Variants in HIPK2 observed in about 807,000 individuals in gnomAD.
The protein encoded by HIPK2 is homeodomain interacting protein kinase 2.
HIPK2 carries 27 observed loss-of-function variants against 113.7 expected under a neutral mutation model. The observed-to-expected ratio is 0.24, with a 90% CI of 0.17 to 0.33. HIPK2 has a LOEUF of 0.33. HIPK2 is among the 10% of genes least tolerant of loss of function. The pLI, the probability that HIPK2 is intolerant of heterozygous loss-of-function variation, is 1.00. For missense variants in HIPK2, 1,257 were observed against 1,588.0 expected, an observed-to-expected ratio of 0.79 and a Z score of 3.54; for synonymous variants, 631 against 642.2, an observed-to-expected ratio of 0.98 and a Z score of 0.26.
At chr7:139,687,187 T>C (rs1204769473) in intron 2 of HIPK2, among the ~76,000 whole-genome samples, 1 of 152,282 alleles carries the variant, frequency 6.6e-6, no homozygotes, top group East Asian at 1.9e-4. Context: ...GCAATTCTTC[T>C]GCTTCAGCCT....
At position 139,597,017 on chromosome 7, in the gene HIPK2, A is replaced by T; in HGVS notation, c.2436-19T>A. 1 of 1,575,610 alleles carries T rather than the reference A, an allele frequency of 6.3e-7. No individual in the cohort carries two copies. The highest frequency in any genetic ancestry group is 8.7e-7 in the Non-Finnish European group (1 of 1,153,880). On this transcript the variant is annotated intron_variant, in intron 11 of 14. Coordinates refer to ENST00000406875, the MANE Select transcript of HIPK2 (RefSeq NM_022740.5). The stretch of plus-strand genomic sequence containing the variant: ...GACATTTCTGTAATGAGAAAACCAC[A>T]CTCTCACACAGAGGAAGGTCAGGCC...
chr7:139,750,171 G>A (rs1047313921), intron 1 of HIPK2, among the ~76,000 whole-genome samples: 2 of 152,198 alleles, frequency 1.3e-5, no homozygotes, highest in African/African-American at 2.4e-5. Flanking sequence ...GTGGTGTCTT[G>A]GTTATGGCCT....
In HIPK2 at chr7:139,604,176, C is replaced by G; in HGVS notation, c.2160G>C (p.Trp720Cys). Reference protein sequence around the residue: ...GTQQILLPPAWQQLTGVATHT... With the variant: ...GTQQILLPPACQQLTGVATHT... ...GGGTGGCCACTCCAGTCAGTTGCTGCCATGCTGGGGGAAGCAGGATCTGCT... is the reference window on the plus strand; with the variant it reads ...GGGTGGCCACTCCAGTCAGTTGCTGGCATGCTGGGGGAAGCAGGATCTGCT... Residue 720 changes from tryptophan (W) to cysteine (C), a missense_variant, in exon 10 of 15, where the codon TGG becomes TGC. By Grantham distance (215) the Trp-to-Cys change is radical. Coordinates refer to ENST00000406875, the MANE Select transcript of HIPK2 (RefSeq NM_022740.5). The G allele has an allele frequency of 6.2e-7, 1 of 1,613,888 alleles. No homozygotes were observed. The highest frequency in any genetic ancestry group is 8.5e-7 in the Non-Finnish European group (1 of 1,179,818).
chr7:139,578,547 G>A (rs1034007000), intron 13 of HIPK2, among the ~76,000 whole-genome samples: 3 of 152,214 alleles, frequency 2.0e-5, no homozygotes, highest in African/African-American at 4.8e-5. Context: ...CCTCCTTTCC[G>A]CCATCCTTTG....
chr7:139,760,648 A>G (rs1459886512), intron 1 of HIPK2, among the ~76,000 whole-genome samples: 1 of 152,204 alleles, frequency 6.6e-6, no homozygotes, highest in Non-Finnish European at 1.5e-5. Flanking sequence ...ATTTTTCCAT[A>G]CCAGAAAAAG....
rs768453110 is a variant in HIPK2, at chr7:139,631,627, T to C, written c.1202A>G (p.Tyr401Cys). Residue 401 changes from tyrosine to cysteine, a missense_variant, in exon 3 of 15, where the codon TAT (tyrosine) becomes TGT (cysteine). Physicochemically the swap from Tyr to Cys is radical, Grantham distance 194. This residue lies in a region of HIPK2 where 84 missense variants were observed against 182.2 expected (regional missense o/e 0.46). Transcript: ENST00000406875. This position sits in a 1 kb window ranked among gnomAD's most constrained non-coding sequence, Gnocchi z 4.9. ...IAELFLGWPL[Y>C]PGASEYDQIR... ...CTGATCATACTCCGAAGCTCCTGGA[T>C]ATAACGGCCAACCCAGGAACAATTC... 6.2e-7 allele frequency: 1 copy of C among 1,613,964 alleles called. No homozygotes were observed. Among genetic ancestry groups the C allele is most frequent in the Non-Finnish European group, 8.5e-7 (1 of 1,179,880 alleles).
chr7:139,773,450 C>A (rs1796687265), intron 1 of HIPK2, among the ~76,000 whole-genome samples: 1 of 152,164 alleles, frequency 6.6e-6, no homozygotes, highest in Non-Finnish European at 1.5e-5. Context: ...TTGACACCAA[C>A]CCAAAGTCCT....
intron 11 of HIPK2, among the ~76,000 whole-genome samples, chr7:139,599,198 G>C (rs1480389990): frequency 6.6e-6 from 1 of 152,198 alleles, no homozygotes; most frequent in East Asian, 1.9e-4. Flanking sequence ...CAATCCTGTA[G>C]TCACACGATC....
At chr7:139,768,765 T>G (rs563585165) in intron 1 of HIPK2, among the ~76,000 whole-genome samples, 14 of 152,216 alleles carry the variant, frequency 9.2e-5, no homozygotes, top group Admixed American at 8.5e-4. Context: ...GACAGCCTGG[T>G]AGGAACCACT....
intron 10 of HIPK2, among the ~76,000 whole-genome samples, chr7:139,601,478 C>A (rs1427328957): frequency 3.3e-5 from 5 of 152,160 alleles, no homozygotes; most frequent in Non-Finnish European, 7.3e-5. Context: ...CTTTTGAATT[C>A]CCTCAGTGGC....
intron 2 of HIPK2, among the ~76,000 whole-genome samples, chr7:139,639,064 C>A (rs757810278): frequency 3.9e-5 from 6 of 152,202 alleles, no homozygotes; most frequent in Non-Finnish European, 8.8e-5. Context: ...GCCTGGCACA[C>A]AGAAGCTGCT....
chr7:139,749,737 A>G (rs1796249821), intron 1 of HIPK2, among the ~76,000 whole-genome samples: 1 of 152,210 alleles, frequency 6.6e-6, no homozygotes, highest in Non-Finnish European at 1.5e-5. Flanking sequence ...AAAGGAGGTC[A>G]GCAGGTGAAA....
intron 9 of HIPK2, among the ~76,000 whole-genome samples, chr7:139,610,805 G>A (rs968097696): frequency 6.6e-6 from 1 of 152,240 alleles, no homozygotes; most frequent in Admixed American, 6.5e-5. Flanking sequence ...CATAACCTGA[G>A]CATGCCCAGA....
chr7:139,572,914 T>TCCCC lies in HIPK2; in HGVS notation c.*9_*12dup. On this transcript the variant is annotated 3_prime_UTR_variant, in exon 15 of 15. Transcript: ENST00000406875. ...TTCTCTCCCTCCCTCCCTCCCTCCC[T>TCCCC]CCCCTCCAGTGTTTATATGTAAGGG... 22 of 183,522 alleles carry TCCCC rather than the reference T, an allele frequency of 1.2e-4. No individual in the cohort carries two copies. Among genetic ancestry groups the TCCCC allele is most frequent in the South Asian group, 1.8e-4 (3 of 17,128 alleles). The allele number at this position is 183,522 out of a possible 1,614,324, so 11.4% of individuals were successfully genotyped here. A position where few individuals can be genotyped will look rare whatever the true frequency, so the allele number is the denominator to read the frequency against.
intron 2 of HIPK2, among the ~76,000 whole-genome samples, chr7:139,673,039 T>G (rs1346108489): frequency 2.6e-5 from 4 of 151,556 alleles, no homozygotes; most frequent in African/African-American, 9.7e-5. Context: ...AGCAATAGAT[T>G]TGTGGAGGAC....
At chr7:139,612,154 T>C (rs1799854405) in intron 9 of HIPK2, among the ~76,000 whole-genome samples, 1 of 151,792 alleles carries the variant, frequency 6.6e-6, no homozygotes, top group Non-Finnish European at 1.5e-5. Flanking sequence ...GCCAATGGAA[T>C]AGAAGAGCAC....
At chr7:139,706,189 G>C (rs574434496) in intron 2 of HIPK2, among the ~76,000 whole-genome samples, 2 of 152,338 alleles carry the variant, frequency 1.3e-5, no homozygotes, top group South Asian at 4.1e-4. Context: ...TGATCTGTTC[G>C]AAGCTGAATC....
At position 139,563,880 on chromosome 7, in the gene HIPK2, C is replaced by T; in HGVS notation, c.*9047G>A. 1 of 398,632 alleles carries T rather than the reference C, an allele frequency of 2.5e-6. No individual in the cohort carries two copies. Among genetic ancestry groups the T allele is most frequent in the South Asian group, 1.3e-4 (1 of 7,862 alleles). The allele number at this position is 398,632 out of a possible 1,614,324, so 24.7% of individuals were successfully genotyped here. ...TGCCCTTTAGGTCACAGCAGGTCCT[C>T]TGCAGTTTGGTGGTGGCACAAGAGA... On this transcript the variant is annotated 3_prime_UTR_variant, in exon 15 of 15. Transcript: ENST00000406875.
intron 10 of HIPK2, among the ~76,000 whole-genome samples, chr7:139,601,593 TAAATC>T (rs1318347735): frequency 1.3e-5 from 2 of 152,194 alleles, no homozygotes; most frequent in Middle Eastern, 3.2e-3. Flanking sequence ...AAGTTGGTAT[TAAATC>T]AAAATTAATA....
Sources: allele counts gnomAD v4.1 joint callset (sites outside exome capture counted in the v4.1 genomes callset), GRCh38; gene constraint gnomAD v4.1.1; regional missense constraint gnomAD v4.1.1; non-coding constraint Gnocchi (gnomAD v3.1); transcripts MANE v1.5; gene names NCBI Gene and HGNC (gene_info 2026-07-23, HGNC 2026-07-21).